The following CNBD1 variants were observed in gnomAD, a reference collection of about 807,000 sequenced individuals.
CNBD1 encodes cyclic nucleotide-binding domain-containing protein 1.
A neutral mutation model predicts 54.4 loss-of-function variants in CNBD1; 71 were observed. The ratio of observed to expected loss-of-function variants is 1.30; its 90% CI spans 1.08 to 1.59. The LOEUF (loss-of-function observed/expected upper bound fraction) is 1.59. Ranked by LOEUF, CNBD1 falls within the 40% of genes most tolerant of loss-of-function variation. The probability of loss-of-function intolerance (pLI) is 0.00; values close to 1 mark genes in which losing one functional copy is unlikely to be tolerated. For missense variants in CNBD1, 659 were observed against 518.0 expected, an observed-to-expected ratio of 1.27 and a Z score of -2.64; for synonymous variants, 182 against 170.7, an observed-to-expected ratio of 1.07 and a Z score of -0.51.
chr8:87,015,245 C>A (rs1053179629), intron 4 of CNBD1, among the ~76,000 whole-genome samples: 1 of 152,090 alleles, frequency 6.6e-6, no homozygotes, highest in Non-Finnish European at 1.5e-5. Context: ...TGCAGTGGCA[C>A]GATCTTGGCT....
chr8:87,068,654 G>T (rs1345998292), intron 4 of CNBD1, among the ~76,000 whole-genome samples: 1 of 152,072 alleles, frequency 6.6e-6, no homozygotes, highest in Non-Finnish European at 1.5e-5. Context: ...TAACAAATCA[G>T]AGGAAAGATA....
intron 2 of CNBD1, among the ~76,000 whole-genome samples, chr8:86,891,525 C>G (rs1808768454): frequency 6.6e-6 from 1 of 151,932 alleles, no homozygotes; most frequent in South Asian, 2.1e-4. Context: ...AGTGAGATGC[C>G]TTTGGCTTTG....
intron 4 of CNBD1, among the ~76,000 whole-genome samples, chr8:87,190,927 TTAGATA>T (rs1216843555): frequency 1.4e-5 from 2 of 145,598 alleles, no homozygotes; most frequent in African/African-American, 2.5e-5. Flanking sequence ...CTATATCTAT[TTAGATA>T]TAGATATAGA....
chr8:86,890,887 CAT>C (rs554935476), intron 2 of CNBD1, among the ~76,000 whole-genome samples: 11 of 151,724 alleles, frequency 7.3e-5, no homozygotes, highest in Non-Finnish European at 1.5e-4. Flanking sequence ...ATTGGCTATA[CAT>C]ATGTCTTCTT....
Position 86,993,413 on chromosome 8 carries a change from A to G in CNBD1, c.431+53659A>G, listed in dbSNP as rs114512011. ...GGTTTCAACTTTCTCTTGAATCTCAATGGGCTTCCTTTTCTTCCTGATTCT... is the reference window on the plus strand; with the variant it reads ...GGTTTCAACTTTCTCTTGAATCTCAGTGGGCTTCCTTTTCTTCCTGATTCT... On this transcript the variant is annotated intron_variant, in intron 4 of 10. Coordinates refer to ENST00000518476, the MANE Select transcript of CNBD1 (RefSeq NM_173538.3). Among the ~76,000 whole-genome samples, 1,023 of 152,214 alleles carry G rather than the reference A, an allele frequency of 6.7e-3. 19 individuals are homozygous for G. The highest frequency in any genetic ancestry group is 0.023 in the African/African-American group (948 of 41,524).
chr8:87,036,917 C>T (rs567334506), intron 4 of CNBD1, among the ~76,000 whole-genome samples: 1 of 152,280 alleles, frequency 6.6e-6, no homozygotes, highest in East Asian at 1.9e-4. Flanking sequence ...TGCCTTCATC[C>T]TGTGAAGTCC....
intron 2 of CNBD1, among the ~76,000 whole-genome samples, chr8:86,891,192 A>G (rs1200132397): frequency 6.6e-6 from 1 of 151,900 alleles, no homozygotes; most frequent in East Asian, 1.9e-4. Context: ...CTTTTCCCCT[A>G]TGTTTTATCC....
At chr8:87,090,171 A>G (rs1444649698) in intron 4 of CNBD1, among the ~76,000 whole-genome samples, 1 of 152,160 alleles carries the variant, frequency 6.6e-6, no homozygotes, top group African/African-American at 2.4e-5. Flanking sequence ...AGTAAGCCAA[A>G]CACTGTTTGT....
At chr8:87,402,116 G>C (rs1807576124) in intron 2 of CNBD1, among the ~76,000 whole-genome samples, 1 of 152,018 alleles carries the variant, frequency 6.6e-6, no homozygotes, top group Admixed American at 6.6e-5. Context: ...ATCTTACATG[G>C]TGGCAGGCAA....
chr8:86,953,292 A>G (rs985480939), intron 4 of CNBD1, among the ~76,000 whole-genome samples: 1 of 152,194 alleles, frequency 6.6e-6, no homozygotes, highest in Non-Finnish European at 1.5e-5. Context: ...AAACTTCTGA[A>G]GCAACTGCCA....
chr8:87,135,195 A>G (rs977576691), intron 4 of CNBD1, among the ~76,000 whole-genome samples: 6 of 152,082 alleles, frequency 3.9e-5, no homozygotes, highest in African/African-American at 1.4e-4. Context: ...TACATAGTGA[A>G]TAGGGCAATC....
intron 4 of CNBD1, among the ~76,000 whole-genome samples, chr8:86,950,545 C>T (rs904574074): frequency 3.2e-4 from 48 of 152,098 alleles, no homozygotes; most frequent in African/African-American, 1.0e-3. Context: ...GTTTAGTTTG[C>T]TAGTATTTTG....
At chr8:87,311,173 T>C (rs975537404) in intron 8 of CNBD1, among the ~76,000 whole-genome samples, 2 of 151,936 alleles carry the variant, frequency 1.3e-5, no homozygotes, top group African/African-American at 4.8e-5. Context: ...ACCTACAGAA[T>C]GGGAGAAAAT....
intron 4 of CNBD1, among the ~76,000 whole-genome samples, chr8:87,063,117 C>A (rs1455374219): frequency 6.6e-6 from 1 of 152,220 alleles, no homozygotes; most frequent in East Asian, 1.9e-4. Flanking sequence ...CTATTGTAGC[C>A]CACTTGGATG....
intron 8 of CNBD1, among the ~76,000 whole-genome samples, chr8:87,311,013 G>C (rs1446681457): frequency 6.6e-6 from 1 of 152,036 alleles, no homozygotes; most frequent in East Asian, 1.9e-4. Context: ...GAAAACCTAG[G>C]AAACAGTATT....
intron 4 of CNBD1, among the ~76,000 whole-genome samples, chr8:87,034,851 C>T (rs546901970): frequency 6.6e-6 from 1 of 152,068 alleles, no homozygotes; most frequent in Non-Finnish European, 1.5e-5. Flanking sequence ...GTTCAAGGAT[C>T]AACTATATAC....
At chr8:86,936,850 A>G (rs142130459) in intron 3 of CNBD1, among the ~76,000 whole-genome samples, 2,385 of 152,306 alleles carry the variant, frequency 0.016, 36 homozygotes, top group Non-Finnish European at 0.024. Flanking sequence ...GTTTTATTAA[A>G]AATTCAAAGG....
chr8:87,079,171 C>T (rs1008352078), intron 4 of CNBD1, among the ~76,000 whole-genome samples: 1 of 151,908 alleles, frequency 6.6e-6, no homozygotes, highest in African/African-American at 2.4e-5. Context: ...TAATGTCATC[C>T]AAGTTTTGTG....
chr8:87,245,069 A>C (rs1807777667), intron 6 of CNBD1, among the ~76,000 whole-genome samples: 1 of 152,092 alleles, frequency 6.6e-6, no homozygotes. Flanking sequence ...CTTAACATCT[A>C]ATTGTCTCTC....
Sources: allele counts gnomAD v4.1 joint callset (sites outside exome capture counted in the v4.1 genomes callset), GRCh38; gene constraint gnomAD v4.1.1; transcripts MANE v1.5; gene names NCBI Gene and HGNC (gene_info 2026-07-23, HGNC 2026-07-21).